The following ARID4B variants were observed in gnomAD, a reference collection of about 807,000 sequenced individuals.
ARID4B encodes the protein AT-rich interactive domain-containing protein 4B.
A neutral mutation model predicts 147.5 loss-of-function variants in ARID4B; 26 were observed. The ratio of observed to expected loss-of-function variants is 0.18; its 90% CI spans 0.13 to 0.24. ARID4B has a LOEUF of 0.24. Among genes scored for constraint, ARID4B ranks in the 10% least tolerant of loss-of-function variants. ARID4B has a pLI of 1.00. For synonymous variants in ARID4B, 512 were observed against 507.9 expected (o/e 1.01, Z -0.11); for missense variants, 1,179 against 1,511.5 (o/e 0.78, Z 3.65).
At chr1:235,297,136 T>C (rs963451496) in intron 2 of ARID4B, among the ~76,000 whole-genome samples, 16 of 152,032 alleles carry the variant, frequency 1.1e-4, no homozygotes, top group Non-Finnish European at 2.4e-4. Flanking sequence ...AGAGAGTAAG[T>C]TATTGAAAAC....
chr1:235,312,519 T>A (rs1674127101), intron 2 of ARID4B, among the ~76,000 whole-genome samples: 1 of 152,204 alleles, frequency 6.6e-6, no homozygotes, highest in Non-Finnish European at 1.5e-5. Context: ...ATTGCTTTCA[T>A]AATAAAAATT....
intron 7 of ARID4B, among the ~76,000 whole-genome samples, chr1:235,242,222 T>G (rs906050739): frequency 6.1e-5 from 9 of 148,674 alleles, no homozygotes; most frequent in Admixed American, 2.0e-4. Context: ...CACTCCAGCC[T>G]GGGCGACAGA....
chr1:235,299,787 G>C (rs1672997078), intron 2 of ARID4B, among the ~76,000 whole-genome samples: 1 of 152,150 alleles, frequency 6.6e-6, no homozygotes, highest in Admixed American at 6.5e-5. Flanking sequence ...CTTGTTCATT[G>C]GTGGTTAGCT....
intron 2 of ARID4B, among the ~76,000 whole-genome samples, chr1:235,264,602 C>G (rs1022342888): frequency 6.6e-6 from 1 of 152,124 alleles, no homozygotes; most frequent in African/African-American, 2.4e-5. Flanking sequence ...ATCAAAAAAA[C>G]AGAGTCAATA....
chr1:235,220,831 T>TA (rs1285956990), intron 14 of ARID4B, among the ~76,000 whole-genome samples: 1 of 152,210 alleles, frequency 6.6e-6, no homozygotes, highest in Non-Finnish European at 1.5e-5. Context: ...CTGGACTCCT[T>TA]AGTAAATCTC....
chr1:235,203,248 G>T (rs1666073344), intron 17 of ARID4B, among the ~76,000 whole-genome samples: 1 of 152,182 alleles, frequency 6.6e-6, no homozygotes, highest in African/African-American at 2.4e-5. Context: ...GGCAAATTAT[G>T]TAAGAAATCA....
intron 7 of ARID4B, among the ~76,000 whole-genome samples, chr1:235,241,434 T>A (rs1460497029): frequency 1.3e-5 from 2 of 152,208 alleles, no homozygotes; most frequent in East Asian, 3.8e-4. Context: ...TCTGAAGTTG[T>A]CTTTGATGCC....
intron 2 of ARID4B, among the ~76,000 whole-genome samples, chr1:235,274,199 AC>A (rs1193270264): frequency 6.6e-6 from 1 of 151,772 alleles, no homozygotes; most frequent in Non-Finnish European, 1.5e-5. Context: ...ATGGTGAAAT[AC>A]AAAAAAGCTA....
chr1:235,217,229 T>C (rs541908299), intron 16 of ARID4B, among the ~76,000 whole-genome samples: 4 of 152,184 alleles, frequency 2.6e-5, no homozygotes, highest in African/African-American at 9.6e-5. Flanking sequence ...AAAAACAACA[T>C]AATTACTGGC....
chr1:235,210,633 A>G (rs1246811027), intron 17 of ARID4B, among the ~76,000 whole-genome samples: 1 of 152,214 alleles, frequency 6.6e-6, no homozygotes, highest in Admixed American at 6.5e-5. Context: ...TGTTTTCTCC[A>G]TGATGTTGGA....
At chr1:235,287,038 T>C (rs1311260864) in intron 2 of ARID4B, among the ~76,000 whole-genome samples, 1 of 152,140 alleles carries the variant, frequency 6.6e-6, no homozygotes, top group African/African-American at 2.4e-5. Flanking sequence ...GGTGGGTGAA[T>C]CATTTGAGGT....
At chr1:235,230,827 G>T (rs1004899719) in intron 10 of ARID4B, among the ~76,000 whole-genome samples, 1 of 151,548 alleles carries the variant, frequency 6.6e-6, no homozygotes, top group African/African-American at 2.4e-5. Flanking sequence ...GGAGGCTGAG[G>T]CAAGAGAATT....
intron 19 of ARID4B, among the ~76,000 whole-genome samples, chr1:235,191,316 T>C (rs1665092310): frequency 6.6e-6 from 1 of 151,954 alleles, no homozygotes; most frequent in Admixed American, 6.6e-5. Context: ...TGGTGTGATC[T>C]TGACTCACTG....
chr1:235,294,184 T>C (rs1672523784), intron 2 of ARID4B, among the ~76,000 whole-genome samples: 1 of 152,092 alleles, frequency 6.6e-6, no homozygotes, highest in Non-Finnish European at 1.5e-5. Flanking sequence ...ACACTGGACT[T>C]TCAAATCTGA....
chr1:235,267,217 G>T (rs1670661500), intron 2 of ARID4B, among the ~76,000 whole-genome samples: 1 of 152,122 alleles, frequency 6.6e-6, no homozygotes. Flanking sequence ...AATGGAGGCT[G>T]CAGTGAGCCA....
At position 235,182,280 on chromosome 1, in the gene ARID4B, T is replaced by C. The variant is rs376449483; in HGVS notation, c.2639A>G (p.Asn880Ser). The C allele has an allele frequency of 1.1e-4, 170 of 1,613,818 alleles. 3 individuals carry two copies. The highest frequency in any genetic ancestry group is 8.6e-4 in the South Asian group (78 of 90,992). The change falls in exon 20 of 24, where the codon AAT becomes AGT. Residue 880 changes from asparagine (N) to serine (S), a missense_variant. By Grantham distance (46) the Asn-to-Ser change is conservative. This residue lies in a region of ARID4B where 321 missense variants were observed against 342.4 expected (regional missense o/e 0.94). Coordinates refer to ENST00000264183, the MANE Select transcript of ARID4B (RefSeq NM_016374.6). Reference protein sequence around the residue: ...KAKMTPTKKYNGLEEKRKSLR... With the variant: ...KAKMTPTKKYSGLEEKRKSLR... ...AGATTTTCTTTTTTCCTCCAAACCA[T>C]TGTATTTCTTAGTTGGTGTCATCTT...
At chr1:235,245,751 T>C (rs1669263569) in intron 7 of ARID4B, among the ~76,000 whole-genome samples, 1 of 152,174 alleles carries the variant, frequency 6.6e-6, no homozygotes, top group African/African-American at 2.4e-5. Context: ...TTATGTAACA[T>C]TTACTCTATA....
At chr1:235,322,014 T>C (rs1674873510) in intron 2 of ARID4B, among the ~76,000 whole-genome samples, 2 of 151,856 alleles carry the variant, frequency 1.3e-5, no homozygotes, top group African/African-American at 2.4e-5. Flanking sequence ...AATGGTTCCA[T>C]GTAGTTTTCA....
chr1:235,196,739 G>C (rs1257438913), intron 17 of ARID4B, among the ~76,000 whole-genome samples: 1 of 151,550 alleles, frequency 6.6e-6, no homozygotes, highest in Non-Finnish European at 1.5e-5. Context: ...TGTAGCCCCA[G>C]CTACTCAGGA....
Sources: gnomAD v4.1 joint callset for allele counts (sites outside exome capture counted in the v4.1 genomes callset) on GRCh38, gnomAD v4.1.1 for gene constraint, gnomAD v4.1.1 regional missense constraint, MANE v1.5 for transcripts, NCBI Gene and HGNC (gene_info 2026-07-23, HGNC 2026-07-21) for gene names.